HK1: variants seen among roughly 807,000 people sequenced by gnomAD.
HK1 encodes hexokinase 1.
A neutral mutation model predicts 91.6 loss-of-function variants in HK1; 28 were observed. The observed-to-expected ratio is 0.31, with a 90% CI of 0.23 to 0.42. HK1 has a LOEUF of 0.42. HK1 is among the 10% of genes least tolerant of loss of function. The probability of loss-of-function intolerance (pLI) is 1.00; values close to 1 mark genes in which losing one functional copy is unlikely to be tolerated. For synonymous variants in HK1, 430 were observed against 468.1 expected (o/e 0.92, Z 1.05); for missense variants, 770 against 1,219.8 (o/e 0.63, Z 5.49).
chr10:69,341,215 A>G lies in HK1; in HGVS notation c.64-2612A>G, dbSNP rs113729887. ...CTAAGTCTGTCACCCAGGCTGGGGTACAGTGGCAGGATCATAGCACCCTGC... is the reference window on the plus strand; with the variant it reads ...CTAAGTCTGTCACCCAGGCTGGGGTGCAGTGGCAGGATCATAGCACCCTGC... On this transcript the variant is annotated intron_variant, in intron 1 of 17. Transcript: ENST00000359426. Among the ~76,000 whole-genome samples, 825 of 151,682 alleles carry G rather than the reference A, an allele frequency of 5.4e-3. 4 individuals carry two copies. The highest frequency in any genetic ancestry group is 0.019 in the African/African-American group (770 of 41,266).
intron 4 of HK1, chr10:69,300,528 C>A: frequency 1.4e-6 from 1 of 722,448 alleles, no homozygotes; most frequent in South Asian, 1.5e-5. Flanking sequence ...TGAAATCAAA[C>A]TGGCCAGATG....
At chr10:69,386,462 G>C in intron 13 of HK1, 44 bp downstream of exon 13, 1 of 1,468,112 alleles carries the variant, frequency 6.8e-7, no homozygotes, top group Non-Finnish European at 9.5e-7. Context: ...ACTGTTTTAG[G>C]GGCTTCTAAA....
At chr10:69,295,475 ATTGGTAATCATGATAGAATTTG>A (rs1845516730) in intron 3 of HK1, among the ~76,000 whole-genome samples, 1 of 152,214 alleles carries the variant, frequency 6.6e-6, no homozygotes, top group Non-Finnish European at 1.5e-5. Context: ...CATCCAGAGA[ATTGGTAATCATGATAGAATTTG>A]CTTAGACATT....
intron 1 of HK1, among the ~76,000 whole-genome samples, chr10:69,325,667 G>A (rs934737908): frequency 7.3e-5 from 11 of 151,266 alleles, no homozygotes; most frequent in African/African-American, 2.4e-4. Flanking sequence ...CCCCCCAGTA[G>A]CTGGGATTAC....
In HK1 at chr10:69,287,540, C is replaced by T. The variant is rs1438027507; in HGVS notation, c.-214-1131C>T. On this transcript the variant is annotated intron_variant, in intron 2 of 21. Transcript: ENST00000360289. ...ATATATCTTTATAAGTCCACTTATG[C>T]GAAATGGCCAGAAGGCAAATTCACA... 3.3e-5 allele frequency among the ~76,000 whole-genome samples: 5 copies of T among 152,174 alleles called. No homozygotes were observed. In the East Asian group the frequency reaches 5.8e-4, roughly 18 times the overall value.
intron 2 of HK1, among the ~76,000 whole-genome samples, chr10:69,282,962 CA>C (rs35376303): frequency 0.52 from 71,696 of 138,448 alleles, 18,672 homozygotes; most frequent in Admixed American, 0.64. Flanking sequence ...ACTAAAAATA[CA>C]AAAAAAAAAA....
intron 1 of HK1, chr10:69,338,115 G>C: frequency 2.8e-6 from 1 of 356,006 alleles, no homozygotes; most frequent in Non-Finnish European, 4.2e-6. Context: ...CTCTGCGGGG[G>C]TCCAACTTTG....
chr10:69,316,078 C>A, upstream of HK1: 1 of 1,319,384 alleles, frequency 7.6e-7, no homozygotes, highest in South Asian at 1.2e-5. Context: ...GATGCTTGGT[C>A]AGGCAGAGGT....
upstream of HK1, chr10:69,316,126 G>A (rs1846628537): frequency 1.1e-6 from 1 of 899,948 alleles, no homozygotes; most frequent in Non-Finnish European, 1.9e-6. Flanking sequence ...AATATGAGCG[G>A]CGAACAAATG....
chr10:69,317,953 A>C, upstream of HK1: 1 of 729,990 alleles, frequency 1.4e-6, no homozygotes, highest in Non-Finnish European at 1.7e-6. Context: ...CCTCTGGGAA[A>C]GTAGAAAACA....
At chr10:69,286,556 T>G (rs1339635650) in intron 2 of HK1, among the ~76,000 whole-genome samples, 1 of 152,100 alleles carries the variant, frequency 6.6e-6, no homozygotes, top group Non-Finnish European at 1.5e-5. Context: ...CTTTACTTTT[T>G]TTTTTTTTTG....
chr10:69,332,943 C>T (rs778006896), intron 1 of HK1, among the ~76,000 whole-genome samples: 2 of 152,068 alleles, frequency 1.3e-5, no homozygotes, highest in South Asian at 2.1e-4. Context: ...TCTGCCTTTG[C>T]CTTGGATTGT....
chr10:69,291,701 A>G (rs1329831923), intron 3 of HK1, among the ~76,000 whole-genome samples: 1 of 152,212 alleles, frequency 6.6e-6, no homozygotes, highest in Non-Finnish European at 1.5e-5. Context: ...AAGGATAGAT[A>G]TATTTTGAGT....
Position 69,305,881 on chromosome 10 carries a change from A to C in HK1, c.27+5020A>C, listed in dbSNP as rs1326174983. ...AAAAACAAAAAACAAAACAAAAAAA[A>C]CAACAAAAAAAAATAAGAAAAAGAA... On this transcript the variant is annotated intron_variant, in intron 5 of 21. Coordinates refer to the HK1 transcript ENST00000360289. Among the ~76,000 whole-genome samples the C allele has an allele frequency of 5.8e-4, 18 of 31,180 alleles. No homozygotes were observed. The East Asian group carries it at 0.13, about 224-fold the overall frequency. The allele number at this position is 31,180 out of a possible 152,430, so 20.5% of individuals were successfully genotyped here. A position where few individuals can be genotyped will look rare whatever the true frequency, so the allele number is the denominator to read the frequency against.
At chr10:69,349,560 G>A (rs1288363241) in intron 2 of HK1, among the ~76,000 whole-genome samples, 1 of 152,194 alleles carries the variant, frequency 6.6e-6, no homozygotes, top group Non-Finnish European at 1.5e-5. Flanking sequence ...AGGATTCGCT[G>A]GCATCTCTGT....
upstream of HK1, among the ~76,000 whole-genome samples, chr10:69,317,236 G>A (rs1248500555): frequency 1.3e-5 from 2 of 152,290 alleles, no homozygotes; most frequent in Admixed American, 6.5e-5. Flanking sequence ...TTATGTGCAC[G>A]TATTTTGCGT....
intron 1 of HK1, chr10:69,271,180 G>C (rs969723450): frequency 6.6e-6 from 1 of 152,148 alleles, no homozygotes. Context: ...GGTGACGACT[G>C]TTCCTGACCA....
chr10:69,380,506 G>T lies in HK1; in HGVS notation c.1265+411G>T, dbSNP rs1438365932. 6.6e-6 allele frequency among the ~76,000 whole-genome samples: 1 copy of T among 152,190 alleles called. No individual in the cohort carries two copies. Among genetic ancestry groups the T allele is most frequent in the Non-Finnish European group, 1.5e-5 (1 of 68,042 alleles). The stretch of plus-strand genomic sequence containing the variant: ...CTGTCGGCTCCTCTGGGTGGAATGT[G>T]TCTGTCTCTCGTCCGCATTTCATCA... On this transcript the variant is annotated intron_variant, in intron 9 of 17. Transcript: ENST00000359426. The surrounding 1 kb of genome is among the most constrained non-coding windows in gnomAD (Gnocchi z 4.0).
intron 4 of HK1, among the ~76,000 whole-genome samples, chr10:69,365,493 A>G (rs905570908): frequency 1.2e-4 from 19 of 152,234 alleles, no homozygotes; most frequent in African/African-American, 4.1e-4. Flanking sequence ...AATACAAAAT[A>G]AATACATACA....
Sources: allele counts gnomAD v4.1 joint callset (sites outside exome capture counted in the v4.1 genomes callset), GRCh38; gene constraint gnomAD v4.1.1; non-coding constraint Gnocchi (gnomAD v3.1); transcripts MANE v1.5; gene names NCBI Gene and HGNC (gene_info 2026-07-23, HGNC 2026-07-21).